The following CHODL variants were observed in gnomAD, a reference collection of about 807,000 sequenced individuals.
CHODL encodes the protein chondrolectin, also known as transmembrane protein MT75.
CHODL carries 29 observed loss-of-function variants against 34.5 expected under a neutral mutation model. The observed-to-expected ratio is 0.84, with a 90% CI of 0.63 to 1.15. CHODL has a LOEUF of 1.15. CHODL is among the 50% of genes most tolerant of loss of function. The pLI, the probability that CHODL is intolerant of heterozygous loss-of-function variation, is 0.00. For missense variants in CHODL, 332 were observed against 332.5 expected (o/e 1.00, Z 0.01); for synonymous variants, 125 against 116.1 (o/e 1.08, Z -0.49).
chr21:18,208,730 A>G (rs1483805347), intron 2 of CHODL, among the ~76,000 whole-genome samples: 1 of 152,072 alleles, frequency 6.6e-6, no homozygotes, highest in Non-Finnish European at 1.5e-5. Context: ...CAAGCCCAGT[A>G]ATGACATGGC....
rs2074473890 is a variant in CHODL at position 18,267,142 on chromosome 21, AAGGAAAGG to A, written c.*1106_*1113del. The A allele has an allele frequency of 6.6e-6, 1 of 152,194 alleles. No homozygotes were observed. Among genetic ancestry groups the A allele is most frequent in the Non-Finnish European group, 1.5e-5 (1 of 68,046 alleles). 9.4% of individuals were successfully genotyped at this position (152,194 alleles called of 1,614,324 possible). ...AAGCACAGCACACAGACATTTTAGG[AAGGAAAGG>A]AACTACGAAATCGTGTGAAAATGGG... On this transcript the variant is annotated 3_prime_UTR_variant, in exon 6 of 6. Coordinates refer to ENST00000299295, the MANE Select transcript of CHODL (RefSeq NM_024944.3).
chr21:18,149,713 A>G (rs2072941040), intron 2 of CHODL, among the ~76,000 whole-genome samples: 2 of 152,240 alleles, frequency 1.3e-5, no homozygotes, highest in South Asian at 4.1e-4. Flanking sequence ...TAATTTGACT[A>G]AGTGGCCTAT....
chr21:18,181,052 T>G (rs2073375835), intron 2 of CHODL, among the ~76,000 whole-genome samples: 1 of 152,214 alleles, frequency 6.6e-6, no homozygotes, highest in African/African-American at 2.4e-5. Flanking sequence ...GTTACTAATA[T>G]TATTTAGGCA....
intron 2 of CHODL, among the ~76,000 whole-genome samples, chr21:18,190,189 T>C (rs754532498): frequency 3.3e-5 from 5 of 152,322 alleles, no homozygotes; most frequent in Non-Finnish European, 7.4e-5. Flanking sequence ...TCCAAGGCAA[T>C]GATTTTTAAA....
intron 2 of CHODL, among the ~76,000 whole-genome samples, chr21:18,128,861 T>C (rs922050672): frequency 1.3e-5 from 2 of 152,168 alleles, no homozygotes; most frequent in African/African-American, 4.8e-5. Flanking sequence ...TGTTTAGTAA[T>C]GGCAATGCTA....
rs140600891 is a variant in CHODL, at chr21:17,924,423, G to A, written c.-145+7023G>A. On this transcript the variant is annotated intron_variant, in intron 1 of 6. Coordinates refer to the CHODL transcript ENST00000400127. ...TATTGGAGAATCAGCCTTGGAGACC[G>A]GAGAGAAATGATGTGAGATCACAAC... Among the ~76,000 whole-genome samples, 599 of 152,288 alleles carry A rather than the reference G, an allele frequency of 3.9e-3. 4 individuals are homozygous for A. The highest frequency in any genetic ancestry group is 0.013 in the African/African-American group (560 of 41,556).
chr21:17,950,297 A>G (rs930353768), intron 1 of CHODL, among the ~76,000 whole-genome samples: 2 of 152,122 alleles, frequency 1.3e-5, no homozygotes, highest in African/African-American at 2.4e-5. Flanking sequence ...TAAGAACTCA[A>G]AAAAGGTATA....
chr21:17,935,033 A>G (rs1016278231), intron 1 of CHODL, among the ~76,000 whole-genome samples: 38 of 152,214 alleles, frequency 2.5e-4, no homozygotes, highest in African/African-American at 8.7e-4. Context: ...AGTATTTGCA[A>G]ATATCATGAG....
chr21:17,921,917 T>C (rs2063186053), intron 1 of CHODL, among the ~76,000 whole-genome samples: 1 of 152,216 alleles, frequency 6.6e-6, no homozygotes, highest in African/African-American at 2.4e-5. Flanking sequence ...ATTATCTCAG[T>C]GAACACTCCA....
intron 2 of CHODL, among the ~76,000 whole-genome samples, chr21:18,167,211 C>CTGTGTGTGTGTGTGTGTGTGTGTG (rs71329776): frequency 2.3e-5 from 2 of 88,136 alleles, no homozygotes; most frequent in Non-Finnish European, 4.9e-5. Flanking sequence ...TTCTCTCTCT[C>CTGTGTGTGTGTGTGTGTGTGTGTG]TGTGTGTGTG....
chr21:18,237,702 A>G (rs2074041352), intron 2 of CHODL, among the ~76,000 whole-genome samples: 2 of 152,168 alleles, frequency 1.3e-5, no homozygotes, highest in South Asian at 2.1e-4. Flanking sequence ...TCAGTTTTGG[A>G]TAAATATTTA....
intron 2 of CHODL, among the ~76,000 whole-genome samples, chr21:18,106,281 T>C (rs969737821): frequency 1.3e-5 from 2 of 152,090 alleles, no homozygotes; most frequent in African/African-American, 2.4e-5. Context: ...CCCAGAGCCC[T>C]TGAATAAAAA....
At chr21:18,018,675 A>T (rs1479710993) in intron 1 of CHODL, among the ~76,000 whole-genome samples, 1 of 152,198 alleles carries the variant, frequency 6.6e-6, no homozygotes, top group Non-Finnish European at 1.5e-5. Context: ...ACCCAGTTTC[A>T]GGTGTTTCTT....
At chr21:17,946,396 G>A (rs1034400860) in intron 1 of CHODL, among the ~76,000 whole-genome samples, 1 of 152,176 alleles carries the variant, frequency 6.6e-6, no homozygotes, top group South Asian at 2.1e-4. Context: ...CTCCAGCCTG[G>A]GCGACAAAGC....
chr21:18,231,643 TG>T (rs1166777875), intron 2 of CHODL, among the ~76,000 whole-genome samples: 10 of 152,136 alleles, frequency 6.6e-5, no homozygotes, highest in African/African-American at 1.9e-4. Flanking sequence ...TCATCCACGC[TG>T]TATCACTTCC....
At chr21:18,191,466 G>T (rs184208685) in intron 2 of CHODL, among the ~76,000 whole-genome samples, 1 of 152,308 alleles carries the variant, frequency 6.6e-6, no homozygotes, top group Admixed American at 6.5e-5. Flanking sequence ...CAAGAATCTT[G>T]CACTTAAAGC....
At chr21:17,979,057 C>T (rs1394647803) in intron 1 of CHODL, among the ~76,000 whole-genome samples, 1 of 152,138 alleles carries the variant, frequency 6.6e-6, no homozygotes, top group East Asian at 1.9e-4. Context: ...TTTAAGGACT[C>T]ATGAAATTGG....
intron 2 of CHODL, among the ~76,000 whole-genome samples, chr21:18,211,085 T>G (rs2073768495): frequency 6.6e-6 from 1 of 151,898 alleles, no homozygotes; most frequent in South Asian, 2.1e-4. Flanking sequence ...TTCATACACC[T>G]GCCTCTTTTC....
chr21:17,920,981 G>A (rs879383382), intron 1 of CHODL, among the ~76,000 whole-genome samples: 8 of 152,136 alleles, frequency 5.3e-5, no homozygotes, highest in Middle Eastern at 3.2e-3. Context: ...ACATTTCCAA[G>A]CTCCCTTGCA....
Sources: gnomAD v4.1 joint callset for allele counts (sites outside exome capture counted in the v4.1 genomes callset) on GRCh38, gnomAD v4.1.1 for gene constraint, MANE v1.5 for transcripts, NCBI Gene and HGNC (gene_info 2026-07-23, HGNC 2026-07-21) for gene names.